NRG3: variants seen among roughly 807,000 people sequenced by gnomAD.
NRG3 encodes neuregulin 3, also known as pro-neuregulin-3, membrane-bound isoform.
NRG3 carries 31 observed loss-of-function variants against 66.9 expected under a neutral mutation model. The ratio of observed to expected loss-of-function variants is 0.46; its 90% CI spans 0.35 to 0.63. The LOEUF is 0.63. Ranked by LOEUF, NRG3 falls within the 20% of genes least tolerant of loss-of-function variation. NRG3 has a pLI of 0.00. For synonymous variants in NRG3, 393 were observed against 359.4 expected, an observed-to-expected ratio of 1.09 and a Z score of -1.06; for missense variants, 910 against 878.9, an observed-to-expected ratio of 1.04 and a Z score of -0.45.
chr10:82,946,851 G>T (rs1163699042), intron 4 of NRG3, among the ~76,000 whole-genome samples: 2 of 151,976 alleles, frequency 1.3e-5, no homozygotes, highest in African/African-American at 4.8e-5. Context: ...CATAAAAGAA[G>T]ACTAAAAGAT....
intron 1 of NRG3, among the ~76,000 whole-genome samples, chr10:82,197,801 G>A (rs931880978): frequency 6.6e-6 from 1 of 152,230 alleles, no homozygotes; most frequent in South Asian, 2.1e-4. Flanking sequence ...GAGTCCTTAA[G>A]CTATTCATGA....
intron 1 of NRG3, among the ~76,000 whole-genome samples, chr10:81,985,325 T>A (rs1045029544): frequency 6.6e-6 from 1 of 152,206 alleles, no homozygotes; most frequent in Non-Finnish European, 1.5e-5. Flanking sequence ...TGCTGCTGGA[T>A]GGGCTTTTCT....
intron 2 of NRG3, among the ~76,000 whole-genome samples, chr10:82,661,257 T>C (rs2052336358): frequency 6.6e-6 from 1 of 152,146 alleles, no homozygotes; most frequent in South Asian, 2.1e-4. Context: ...TCCTCTCTCA[T>C]GGAGACTGAA....
At chr10:81,959,873 T>C (rs917817163) in intron 1 of NRG3, among the ~76,000 whole-genome samples, 3 of 152,226 alleles carry the variant, frequency 2.0e-5, no homozygotes, top group African/African-American at 7.2e-5. Context: ...GAGTGTAATG[T>C]ATTGTGTAAG....
intron 2 of NRG3, among the ~76,000 whole-genome samples, chr10:82,658,731 T>A (rs61433592): frequency 6.6e-6 from 1 of 152,060 alleles, no homozygotes; most frequent in African/African-American, 2.4e-5. Flanking sequence ...TGAGGCATAC[T>A]TTCATTATTG....
chr10:82,562,178 ACAAT>A (rs1304113707), intron 2 of NRG3, among the ~76,000 whole-genome samples: 1 of 152,342 alleles, frequency 6.6e-6, no homozygotes, highest in African/African-American at 2.4e-5. Flanking sequence ...TACATAGTAA[ACAAT>A]CAATAAATGA....
chr10:82,037,976 G>GGAGA (rs35225848), intron 1 of NRG3, among the ~76,000 whole-genome samples: 5 of 149,632 alleles, frequency 3.3e-5, no homozygotes, highest in African/African-American at 1.2e-4. Context: ...TGGGGAGGGG[G>GGAGA]GAGAGAGAGA....
intron 2 of NRG3, among the ~76,000 whole-genome samples, chr10:82,696,418 T>G (rs1319623166): frequency 6.6e-6 from 1 of 151,974 alleles, no homozygotes; most frequent in Non-Finnish European, 1.5e-5. Flanking sequence ...TGAAAGGAAA[T>G]TATGTAAATT....
chr10:82,129,881 A>G (rs1203484940), intron 1 of NRG3, among the ~76,000 whole-genome samples: 4 of 152,062 alleles, frequency 2.6e-5, no homozygotes, highest in South Asian at 4.1e-4. Flanking sequence ...TAAATGTGTA[A>G]TAAATTATCA....
chr10:82,257,256 G>C (rs948057115), intron 1 of NRG3, among the ~76,000 whole-genome samples: 9 of 152,070 alleles, frequency 5.9e-5, no homozygotes, highest in African/African-American at 2.2e-4. Context: ...AAGAGAGAAG[G>C]AAGAAAGGAG....
chr10:82,429,504 T>C (rs1210246699), intron 2 of NRG3, among the ~76,000 whole-genome samples: 1 of 152,110 alleles, frequency 6.6e-6, no homozygotes, highest in Admixed American at 6.5e-5. Flanking sequence ...TTCATCTTAT[T>C]GAAGACTCCT....
intron 1 of NRG3, among the ~76,000 whole-genome samples, chr10:82,064,420 A>G (rs1240503002): frequency 6.6e-6 from 1 of 152,190 alleles, no homozygotes; most frequent in East Asian, 1.9e-4. Flanking sequence ...TTCACTAATC[A>G]TTATTGAATA....
chr10:82,865,361 C>T (rs1352137238), intron 3 of NRG3, 50 bp from the exon 4 acceptor site: 12 of 1,604,490 alleles, frequency 7.5e-6, no homozygotes. Context: ...CTTTTTCTAA[C>T]CTTTTTCTCT....
chr10:82,807,347 C>T (rs936631045), intron 3 of NRG3, among the ~76,000 whole-genome samples: 3 of 152,112 alleles, frequency 2.0e-5, no homozygotes, highest in African/African-American at 7.2e-5. Flanking sequence ...CTTGCAAGGA[C>T]TCAATAAGGG....
chr10:82,337,730 C>A (rs2082461621), intron 1 of NRG3, among the ~76,000 whole-genome samples: 1 of 152,054 alleles, frequency 6.6e-6, no homozygotes, highest in African/African-American at 2.4e-5. Context: ...TTTTGGACAT[C>A]TTTTTATGTG....
intron 1 of NRG3, among the ~76,000 whole-genome samples, chr10:82,294,257 A>G (rs1564759437): frequency 1.3e-5 from 2 of 152,230 alleles, no homozygotes; most frequent in Non-Finnish European, 2.9e-5. Context: ...TAACAGATTT[A>G]TTTAACCTTA....
At chr10:82,204,815 T>C (rs1256104602) in intron 1 of NRG3, among the ~76,000 whole-genome samples, 1 of 152,212 alleles carries the variant, frequency 6.6e-6, no homozygotes, top group Admixed American at 6.5e-5. Context: ...AAGTGGCTAT[T>C]TAAGCTCCTT....
intron 1 of NRG3, among the ~76,000 whole-genome samples, chr10:82,044,364 C>T (rs1016427356): frequency 6.6e-6 from 1 of 151,824 alleles, no homozygotes; most frequent in African/African-American, 2.4e-5. Context: ...GCACACTCAC[C>T]CACATACCCA....
At chr10:81,922,193 G>A (rs926970202) in intron 1 of NRG3, among the ~76,000 whole-genome samples, 3 of 151,838 alleles carry the variant, frequency 2.0e-5, no homozygotes, top group Non-Finnish European at 4.4e-5. Context: ...GTTATATTAG[G>A]GGTTAAATTT....
Sources: allele counts gnomAD v4.1 joint callset (sites outside exome capture counted in the v4.1 genomes callset), GRCh38; gene constraint gnomAD v4.1.1; transcripts MANE v1.5; gene names NCBI Gene and HGNC (gene_info 2026-07-23, HGNC 2026-07-21).